DYSF: variants seen among roughly 807,000 people sequenced by gnomAD.
The protein encoded by DYSF is dystrophy-associated fer-1-like 1.
DYSF carries 212 observed loss-of-function variants against 274.9 expected under a neutral mutation model. The observed-to-expected ratio is 0.77, with a 90% CI of 0.69 to 0.86. The LOEUF (loss-of-function observed/expected upper bound fraction) is 0.86. DYSF is among the 40% of genes least tolerant of loss of function. The probability of loss-of-function intolerance (pLI) is 0.00; values close to 1 mark genes in which losing one functional copy is unlikely to be tolerated. For synonymous variants in DYSF, 1,091 were observed against 1,078.7 expected (o/e 1.01, Z -0.22); for missense variants, 2,666 against 2,783.2 (o/e 0.96, Z 0.95).
intron 3 of DYSF, among the ~76,000 whole-genome samples, chr2:71,489,306 A>G (rs2083617139): frequency 6.6e-6 from 1 of 152,072 alleles, no homozygotes; most frequent in South Asian, 2.1e-4. Context: ...GCACCAAATC[A>G]TATGAATGCA....
At chr2:71,665,391 C>T in intron 47 of DYSF, 87 bp downstream of exon 47, 1 of 1,569,796 alleles carries the variant, frequency 6.4e-7, no homozygotes, top group South Asian at 1.1e-5. Context: ...ATAAAAGACC[C>T]AAGCGGACAT....
intron 51 of DYSF, among the ~76,000 whole-genome samples, chr2:71,671,524 C>G (rs972596521): frequency 2.0e-5 from 3 of 152,206 alleles, no homozygotes; most frequent in Non-Finnish European, 4.4e-5. Context: ...GGAGGTGGGA[C>G]AGCCCCTTCC....
intron 2 of DYSF, 75 bp from the exon 3 acceptor site, chr2:71,481,804 C>T: frequency 8.0e-7 from 1 of 1,248,614 alleles, no homozygotes; most frequent in Non-Finnish European, 1.2e-6. Context: ...GCCCTGGTGG[C>T]ACGAAGGTGA....
chr2:71,500,674 G>A (rs532538739), intron 3 of DYSF, among the ~76,000 whole-genome samples: 3 of 152,152 alleles, frequency 2.0e-5, no homozygotes, highest in South Asian at 2.1e-4. Context: ...GGCTTTTCTC[G>A]GCACCCTATG....
At chr2:71,676,628 AAAAC>A (rs1194688260) in intron 52 of DYSF, among the ~76,000 whole-genome samples, 1 of 151,998 alleles carries the variant, frequency 6.6e-6, no homozygotes, top group Non-Finnish European at 1.5e-5. Context: ...TTTTAAAAGA[AAAAC>A]AAAAAAAAAA....
intron 45 of DYSF, among the ~76,000 whole-genome samples, chr2:71,661,801 C>T (rs1359277009): frequency 6.6e-6 from 1 of 152,188 alleles, no homozygotes; most frequent in Non-Finnish European, 1.5e-5. Context: ...TGTGGTCACT[C>T]ACCCTGCAGT....
intron 41 of DYSF, 71 bp downstream of exon 41, chr2:71,620,680 G>A: frequency 7.1e-7 from 1 of 1,416,492 alleles, no homozygotes; most frequent in South Asian, 1.2e-5. Flanking sequence ...GGGTTAGGAG[G>A]GAAATGGGAG....
At chr2:71,593,294 A>G (rs10178480) in intron 32 of DYSF, among the ~76,000 whole-genome samples, 103,905 of 151,918 alleles carry the variant, frequency 0.68, 35,993 homozygotes, top group East Asian at 0.84. Context: ...CACCATGCCC[A>G]GCTAATTTTT....
chr2:71,561,757 CTCTGGGTGACA>C lies in DYSF; in HGVS notation c.2225_2235del (p.Leu742ProfsTer2). 6.2e-7 allele frequency: 1 copy of C among 1,614,168 alleles called. No individual in the cohort carries two copies. Among genetic ancestry groups the C allele is most frequent in the Non-Finnish European group, 8.5e-7 (1 of 1,180,022 alleles). On this transcript the variant is annotated frameshift_variant, in exon 23 of 56. Transcript: ENST00000410020. LOFTEE classifies it high-confidence loss of function. Reference sequence around the variant, plus strand: ...CATCTGTCCGTCCCTCACAGCCAGCCTCTGGGTGACATCCATGAGACACCCTCTGCCACCCA... The same window carrying C: ...CATCTGTCCGTCCCTCACAGCCAGCCTCCATGAGACACCCTCTGCCACCCA...
chr2:71,622,528 C>T (rs1447016082), intron 41 of DYSF, among the ~76,000 whole-genome samples: 1 of 152,164 alleles, frequency 6.6e-6, no homozygotes, highest in Non-Finnish European at 1.5e-5. Flanking sequence ...ACTGCCTCTA[C>T]CAGATTTCCA....
At chr2:71,504,324 G>C (rs972278405) in intron 4 of DYSF, among the ~76,000 whole-genome samples, 2 of 152,120 alleles carry the variant, frequency 1.3e-5, no homozygotes, top group African/African-American at 4.8e-5. Flanking sequence ...TGCTCCCAAG[G>C]GGTCTTAGGC....
At chr2:71,538,293 A>T (rs1214796167) in intron 16 of DYSF, among the ~76,000 whole-genome samples, 2 of 152,146 alleles carry the variant, frequency 1.3e-5, no homozygotes, top group Non-Finnish European at 2.9e-5. Flanking sequence ...AGGAGGCAGG[A>T]GTGGGGTTCA....
chr2:71,573,359 G>C (rs1005220900), intron 29 of DYSF, among the ~76,000 whole-genome samples: 1 of 152,216 alleles, frequency 6.6e-6, no homozygotes, highest in Non-Finnish European at 1.5e-5. Context: ...TTCCTGGAGA[G>C]TGGCACAGCT....
At chr2:71,568,828 TG>T (rs778786381) in intron 26 of DYSF, among the ~76,000 whole-genome samples, 2 of 152,080 alleles carry the variant, frequency 1.3e-5, no homozygotes, top group Non-Finnish European at 2.9e-5. Flanking sequence ...CCCAAAGTGC[TG>T]GGGTTACAGG....
At chr2:71,532,624 A>T (rs1445954592) in intron 14 of DYSF, among the ~76,000 whole-genome samples, 1 of 152,004 alleles carries the variant, frequency 6.6e-6, no homozygotes, top group Admixed American at 6.6e-5. Flanking sequence ...AGCCAGGTTG[A>T]AGTGTTTGCG....
At chr2:71,511,785 C>T (rs752831534) in intron 4 of DYSF, 22 bp from the exon 5 acceptor site, 1 of 1,454,350 alleles carries the variant, frequency 6.9e-7, no homozygotes, top group South Asian at 1.2e-5. Flanking sequence ...CCAACCTGTC[C>T]CCCACGTCTC....
At chr2:71,503,097 G>A in intron 3 of DYSF, 117 bp from the exon 4 acceptor site, 1 of 904,778 alleles carries the variant, frequency 1.1e-6, no homozygotes, top group Non-Finnish European at 1.9e-6. Context: ...TGGGGTGCTG[G>A]GTGACTGTGT....
Position 71,612,804 on chromosome 2 carries a change from C to T in DYSF, c.4385C>T (p.Pro1462Leu). 1 of 1,611,356 alleles carries T rather than the reference C, an allele frequency of 6.2e-7. No homozygotes were observed. ...SAESPSPQGG[P>L]DDVSLLSPGE... is the part of the protein sequence containing the mutation. ...GAGAGTCCATCCCCACAGGGTGGCCCAGGTAGGGGAAGGGGAGATGATGGG... is the reference window on the plus strand; with the variant it reads ...GAGAGTCCATCCCCACAGGGTGGCCTAGGTAGGGGAAGGGGAGATGATGGG... The change falls in exon 39 of 56, where the codon CCA becomes CTA. Residue 1462 changes from proline (P) to leucine (L), a missense_variant and splice_region_variant. Around this residue, in one of 3 missense-constraint regions of DYSF, gnomAD observed 1,460 missense variants for 1,502.1 expected, o/e 0.97. Transcript: ENST00000410020.
At chr2:71,608,621 T>C (rs905989842) in intron 36 of DYSF, among the ~76,000 whole-genome samples, 14 of 152,148 alleles carry the variant, frequency 9.2e-5, no homozygotes, top group African/African-American at 2.9e-4. Flanking sequence ...CCAAACGGTA[T>C]TGGAGCTTAA....
Sources: allele counts gnomAD v4.1 joint callset (sites outside exome capture counted in the v4.1 genomes callset), GRCh38; gene constraint gnomAD v4.1.1; regional missense constraint gnomAD v4.1.1; transcripts MANE v1.5; gene names NCBI Gene and HGNC (gene_info 2026-07-23, HGNC 2026-07-21).